SIL1: variants seen among roughly 807,000 people sequenced by gnomAD.
SIL1 encodes nucleotide exchange factor SIL1.
A neutral mutation model predicts 49.1 loss-of-function variants in SIL1; 40 were observed. That is an observed-to-expected ratio of 0.81 (90% CI 0.63 to 1.06). SIL1 has a LOEUF of 1.06. SIL1 is among the 50% of genes least tolerant of loss of function. The probability of loss-of-function intolerance (pLI) is 0.00; values close to 1 mark genes in which losing one functional copy is unlikely to be tolerated. For missense variants in SIL1, 500 were observed against 572.6 expected (o/e 0.87, Z 1.29); for synonymous variants, 253 against 250.8 (o/e 1.01, Z -0.08).
Position 138,947,695 on chromosome 5 carries a change from G to A in SIL1, c.1030-222C>T, listed in dbSNP as rs545634467. Reference sequence around the variant, plus strand: ...TGGTGCCAGGTGCTGAAGAAACCACGATGGAGACATAGTCTTACCCTCAAG... The same window carrying A: ...TGGTGCCAGGTGCTGAAGAAACCACAATGGAGACATAGTCTTACCCTCAAG... On this transcript the variant is annotated intron_variant, in intron 9 of 9. Coordinates refer to ENST00000394817, the MANE Select transcript of SIL1 (RefSeq NM_022464.5). This position sits in a 1 kb window ranked among gnomAD's most constrained non-coding sequence, Gnocchi z 4.1. Among the ~76,000 whole-genome samples the A allele has an allele frequency of 3.3e-5, 5 of 152,302 alleles. No individual in the cohort carries two copies. Among genetic ancestry groups the A allele is most frequent in the Non-Finnish European group, 2.9e-5 (2 of 68,018 alleles).
intron 2 of SIL1, 99 bp from the exon 3 acceptor site, chr5:139,121,272 C>T (rs1750630339): frequency 6.6e-7 from 1 of 1,503,868 alleles, no homozygotes. Flanking sequence ...CTCCATGCCC[C>T]TCTCCCCCAC....
intron 1 of SIL1, among the ~76,000 whole-genome samples, chr5:139,171,707 TAAAAAGAAAAAAAATAAAAAAGAAAA>T (rs1322424399): frequency 1.9e-5 from 2 of 106,096 alleles, no homozygotes; most frequent in East Asian, 2.6e-4. Context: ...TAAAAAAAAA[TAAAAAGAAAAAAAATAAAAAAGAAAA>T]AAAAAGAAAA....
intron 3 of SIL1, among the ~76,000 whole-genome samples, chr5:139,111,863 CCT>C: frequency 1.3e-5 from 2 of 151,522 alleles, no homozygotes; most frequent in East Asian, 3.9e-4. Flanking sequence ...TCTCCCTCTC[CCT>C]CTCTTTCCAC....
intron 7 of SIL1, among the ~76,000 whole-genome samples, chr5:138,980,086 CA>C (rs1435955800): frequency 6.6e-6 from 1 of 152,206 alleles, no homozygotes; most frequent in Non-Finnish European, 1.5e-5. Flanking sequence ...TCTTGCTTTA[CA>C]AAAACCGCTA....
intron 7 of SIL1, among the ~76,000 whole-genome samples, chr5:138,998,292 T>A (rs918750141): frequency 2.4e-4 from 36 of 152,104 alleles, no homozygotes; most frequent in African/African-American, 8.4e-4. Flanking sequence ...GTGATCCTCC[T>A]GAGTAGCTGC....
chr5:139,101,975 G>A (rs749302080), intron 3 of SIL1, among the ~76,000 whole-genome samples: 1 of 152,180 alleles, frequency 6.6e-6, no homozygotes, highest in Non-Finnish European at 1.5e-5. Context: ...TAAAACGCCT[G>A]GAAAAGAGTT....
intron 3 of SIL1, among the ~76,000 whole-genome samples, chr5:139,108,935 C>T (rs1013302517): frequency 2.6e-5 from 4 of 151,626 alleles, no homozygotes; most frequent in Non-Finnish European, 4.4e-5. Context: ...TGTGTTCAAA[C>T]GGCCACTTTA....
At chr5:138,963,845 G>C (rs2150387050) in intron 7 of SIL1, among the ~76,000 whole-genome samples, 1 of 152,328 alleles carries the variant, frequency 6.6e-6, no homozygotes, top group South Asian at 2.1e-4. Flanking sequence ...GGGAGTCTCA[G>C]GCCCCCCTAG....
intron 1 of SIL1, among the ~76,000 whole-genome samples, chr5:139,192,877 G>GTA (rs1752199196): frequency 6.6e-6 from 1 of 151,094 alleles, no homozygotes; most frequent in Non-Finnish European, 1.5e-5. Flanking sequence ...CATGCCTGTA[G>GTA]TACCAGCTAC....
chr5:139,140,694 G>C (rs1673283782), intron 1 of SIL1, among the ~76,000 whole-genome samples: 1 of 152,194 alleles, frequency 6.6e-6, no homozygotes, highest in African/African-American at 2.4e-5. Flanking sequence ...TTCTACAAGG[G>C]ATGGTAGGAA....
chr5:138,951,378 T>C, intron 8 of SIL1, 43 bp from the exon 9 acceptor site: 1 of 1,547,536 alleles, frequency 6.5e-7, no homozygotes, highest in Non-Finnish European at 8.7e-7. Context: ...CCAAGCGAGC[T>C]GGACCTGCCC....
At chr5:138,950,779 C>T (rs1258999971) in intron 9 of SIL1, among the ~76,000 whole-genome samples, 1 of 152,194 alleles carries the variant, frequency 6.6e-6, no homozygotes, top group Non-Finnish European at 1.5e-5. Context: ...GAGGAGGCAC[C>T]TCCACGTTTC....
intron 3 of SIL1, among the ~76,000 whole-genome samples, chr5:139,055,960 C>A (rs1211991915): frequency 6.6e-6 from 1 of 152,070 alleles, no homozygotes; most frequent in Non-Finnish European, 1.5e-5. Flanking sequence ...GACAGAGTCT[C>A]CTTCACTCAG....
chr5:139,011,796 G>A (rs1768279553), intron 7 of SIL1, among the ~76,000 whole-genome samples: 1 of 152,070 alleles, frequency 6.6e-6, no homozygotes, highest in Non-Finnish European at 1.5e-5. Flanking sequence ...CCTCCAAAGA[G>A]GATTTGTTTC....
chr5:139,018,979 G>A (rs546061034), intron 7 of SIL1, among the ~76,000 whole-genome samples: 1 of 152,202 alleles, frequency 6.6e-6, no homozygotes, highest in African/African-American at 2.4e-5. Context: ...TGTAGGTCCA[G>A]TGGTCTGCCT....
At chr5:139,127,198 T>A (rs1404885884) in intron 2 of SIL1, among the ~76,000 whole-genome samples, 1 of 151,852 alleles carries the variant, frequency 6.6e-6, no homozygotes, top group Non-Finnish European at 1.5e-5. Context: ...GATACAGAGA[T>A]GGAGATGAAC....
At chr5:138,951,457 A>G in intron 8 of SIL1, 122 bp from the exon 9 acceptor site, 3 of 1,013,366 alleles carry the variant, frequency 3.0e-6, no homozygotes, top group Non-Finnish European at 4.4e-6. Context: ...CACCTCAGTT[A>G]CAGCTATACC....
At chr5:139,163,420 A>G (rs1751556752) in intron 1 of SIL1, among the ~76,000 whole-genome samples, 1 of 151,474 alleles carries the variant, frequency 6.6e-6, no homozygotes, top group Non-Finnish European at 1.5e-5. Flanking sequence ...CCCAGGCTGG[A>G]GTCAAGTGGC....
intron 1 of SIL1, among the ~76,000 whole-genome samples, chr5:139,151,133 A>G (rs1046926791): frequency 1.3e-5 from 2 of 152,184 alleles, no homozygotes; most frequent in Admixed American, 1.3e-4. Context: ...CCTCAACTCA[A>G]TGGAAACCTT....
Sources: gnomAD v4.1 joint callset for allele counts (sites outside exome capture counted in the v4.1 genomes callset) on GRCh38, gnomAD v4.1.1 for gene constraint, Gnocchi (gnomAD v3.1) non-coding constraint, MANE v1.5 for transcripts, NCBI Gene and HGNC (gene_info 2026-07-23, HGNC 2026-07-21) for gene names.